Variants in DLG2 observed in about 807,000 individuals in gnomAD.
DLG2 encodes discs large MAGUK scaffold protein 2.
Under a neutral mutation model 132.5 loss-of-function variants are expected in DLG2, and 45 were observed. The observed-to-expected ratio is 0.34, with a 90% CI of 0.27 to 0.44. The LOEUF (loss-of-function observed/expected upper bound fraction) is 0.44. DLG2 is among the 20% of genes least tolerant of loss of function. The pLI, the probability that DLG2 is intolerant of heterozygous loss-of-function variation, is 1.00. For synonymous variants in DLG2, 424 were observed against 419.6 expected, an observed-to-expected ratio of 1.01 and a Z score of -0.13; for missense variants, 1,045 against 1,196.9, an observed-to-expected ratio of 0.87 and a Z score of 1.87.
intron 7 of DLG2, among the ~76,000 whole-genome samples, chr11:84,516,429 A>G (rs2099273301): frequency 6.6e-6 from 1 of 151,680 alleles, no homozygotes; most frequent in African/African-American, 2.4e-5. Context: ...ATAGGAGACT[A>G]TTATGAACTA....
At chr11:85,028,069 G>A (rs141956900) in intron 6 of DLG2, among the ~76,000 whole-genome samples, 5 of 152,292 alleles carry the variant, frequency 3.3e-5, no homozygotes, top group African/African-American at 4.8e-5. Flanking sequence ...AGCCGAAGTG[G>A]GTAGCTCCTT....
chr11:84,227,395 T>C (rs1203059499), intron 8 of DLG2, among the ~76,000 whole-genome samples: 1 of 152,094 alleles, frequency 6.6e-6, no homozygotes, highest in African/African-American at 2.4e-5. Context: ...AACCAGGCCT[T>C]AGAGGAGGTC....
At chr11:83,895,317 G>A (rs938777392) in intron 15 of DLG2, among the ~76,000 whole-genome samples, 8 of 151,796 alleles carry the variant, frequency 5.3e-5, no homozygotes, top group African/African-American at 1.5e-4. Context: ...GTCCCACCAC[G>A]TCTGGCTAAT....
At chr11:85,531,332 G>C (rs2075195882) in intron 3 of DLG2, among the ~76,000 whole-genome samples, 1 of 152,190 alleles carries the variant, frequency 6.6e-6, no homozygotes, top group Non-Finnish European at 1.5e-5. Context: ...CATGAAGCAA[G>C]ACCATGCCAA....
chr11:85,584,567 C>A (rs1457527248), intron 3 of DLG2, among the ~76,000 whole-genome samples: 1 of 152,104 alleles, frequency 6.6e-6, no homozygotes, highest in Admixed American at 6.5e-5. Context: ...ACTTTTAGTT[C>A]TTTAAGAAAT....
chr11:84,738,086 T>G (rs1309398410), intron 6 of DLG2, among the ~76,000 whole-genome samples: 1 of 152,020 alleles, frequency 6.6e-6, no homozygotes. Context: ...AAATATAAAC[T>G]TATGAAGTGT....
At chr11:84,119,051 C>A (rs559233844) in intron 9 of DLG2, among the ~76,000 whole-genome samples, 1 of 152,014 alleles carries the variant, frequency 6.6e-6, no homozygotes, top group East Asian at 1.9e-4. Flanking sequence ...CGACCTCAAG[C>A]AAATTATACA....
chr11:85,537,834 C>G (rs563666650), intron 3 of DLG2, among the ~76,000 whole-genome samples: 1 of 151,900 alleles, frequency 6.6e-6, no homozygotes, highest in Non-Finnish European at 1.5e-5. Context: ...CTGTAACACG[C>G]GGCCAGGCGT....
chr11:84,446,518 C>A (rs748512990), intron 7 of DLG2, among the ~76,000 whole-genome samples: 34 of 151,524 alleles, frequency 2.2e-4, no homozygotes, highest in Non-Finnish European at 5.9e-5. Flanking sequence ...CATCCCTCTT[C>A]TAGTTGTCCA....
intron 18 of DLG2, among the ~76,000 whole-genome samples, chr11:83,691,638 G>A (rs186109028): frequency 2.6e-4 from 39 of 152,268 alleles, no homozygotes; most frequent in African/African-American, 8.7e-4. Flanking sequence ...GGTTCTAGGT[G>A]CCTGTAACAA....
At chr11:84,519,189 G>A (rs1158144634) in intron 7 of DLG2, among the ~76,000 whole-genome samples, 1 of 152,076 alleles carries the variant, frequency 6.6e-6, no homozygotes, top group African/African-American at 2.4e-5. Flanking sequence ...CAGTTCAGGT[G>A]CATTTCTGTG....
At position 84,641,523 on chromosome 11, in the gene DLG2, T is replaced by C. The variant is rs1240676851; in HGVS notation, c.358-106792A>G. 3.3e-5 allele frequency among the ~76,000 whole-genome samples: 5 copies of C among 152,122 alleles called. No individual in the cohort carries two copies. In the East Asian group the frequency reaches 9.7e-4, roughly 29 times the overall value. On this transcript the variant is annotated intron_variant, in intron 6 of 27. Coordinates refer to ENST00000376104, the MANE Select transcript of DLG2 (RefSeq NM_001142699.3). ...CTAATGATGAGAAAAACTGCATGTTTCCGGGAGAGTCAGCAACTCTGGGGT... is the reference window on the plus strand; with the variant it reads ...CTAATGATGAGAAAAACTGCATGTTCCCGGGAGAGTCAGCAACTCTGGGGT...
At chr11:84,914,913 A>C (rs777815006) in intron 6 of DLG2, among the ~76,000 whole-genome samples, 4 of 152,196 alleles carry the variant, frequency 2.6e-5, no homozygotes, top group Non-Finnish European at 5.9e-5. Context: ...AACAAACATT[A>C]GTTATTATTA....
In DLG2 at chr11:84,174,391, C is replaced by T. The variant is rs184543295; in HGVS notation, c.574-10880G>A. ...CAATAATTTTTTAATCCCCAGAGAA[C>T]ATTTCATACCATCCACCAGCTGTCC... is the stretch of plus-strand genomic sequence containing the variant. On this transcript the variant is annotated intron_variant, in intron 8 of 27. Transcript: ENST00000376104. Among the ~76,000 whole-genome samples the T allele has an allele frequency of 5.7e-4, 86 of 152,148 alleles. 1 individual carries two copies. The South Asian group carries it at 0.014, about 25-fold the overall frequency.
intron 7 of DLG2, among the ~76,000 whole-genome samples, chr11:84,260,299 A>G (rs2097534305): frequency 6.6e-6 from 1 of 152,106 alleles, no homozygotes; most frequent in Non-Finnish European, 1.5e-5. Context: ...TCACTTTATA[A>G]GTTTTTTCTA....
chr11:85,540,043 C>T (rs1389115671), intron 3 of DLG2, among the ~76,000 whole-genome samples: 1 of 152,172 alleles, frequency 6.6e-6, no homozygotes, highest in Non-Finnish European at 1.5e-5. Context: ...CAAAGTGCTA[C>T]AACCAATTCC....
chr11:83,833,538 T>A, intron 17 of DLG2, 76 bp downstream of exon 17: 1 of 1,441,078 alleles, frequency 6.9e-7, no homozygotes. Context: ...GCTTTTGGTA[T>A]CATAATTGAA....
At chr11:83,668,581 G>A (rs902341608) in intron 18 of DLG2, among the ~76,000 whole-genome samples, 3 of 151,366 alleles carry the variant, frequency 2.0e-5, no homozygotes, top group South Asian at 2.1e-4. Context: ...TGCTATTACT[G>A]TAATTTAAAT....
chr11:85,485,682 C>T (rs1400909834), intron 3 of DLG2, among the ~76,000 whole-genome samples: 2 of 152,148 alleles, frequency 1.3e-5, no homozygotes, highest in African/African-American at 2.4e-5. Flanking sequence ...ACACTCTCAC[C>T]GCAGGCTTTT....
Sources: gnomAD v4.1 joint callset for allele counts (sites outside exome capture counted in the v4.1 genomes callset) on GRCh38, gnomAD v4.1.1 for gene constraint, MANE v1.5 for transcripts, NCBI Gene and HGNC (gene_info 2026-07-23, HGNC 2026-07-21) for gene names.